MSRA: variants seen among roughly 807,000 people sequenced by gnomAD.
MSRA encodes the protein methionine sulfoxide reductase A.
A neutral mutation model predicts 31.3 loss-of-function variants in MSRA; 54 were observed. The observed-to-expected ratio is 1.73, with a 90% CI of 1.39 to 2.17. The LOEUF (loss-of-function observed/expected upper bound fraction) is 2.17, where lower values mean the gene tolerates loss of function less well. Among genes scored for constraint, MSRA ranks in the 30% most tolerant of loss-of-function variants. The pLI is 0.00. For missense variants in MSRA, 507 were observed against 300.9 expected (o/e 1.69, Z -5.07); for synonymous variants, 169 against 116.5 (o/e 1.45, Z -2.90).
intron 3 of MSRA, among the ~76,000 whole-genome samples, chr8:10,291,378 T>C (rs1313781279): frequency 1.3e-5 from 2 of 151,186 alleles, no homozygotes; most frequent in Admixed American, 6.6e-5. Flanking sequence ...TTAAAGCTTA[T>C]GTTTCTCGTC....
intron 1 of MSRA, among the ~76,000 whole-genome samples, chr8:10,199,270 C>T (rs1174095018): frequency 6.6e-6 from 1 of 152,112 alleles, no homozygotes; most frequent in African/African-American, 2.4e-5. Context: ...GAATAGGGGG[C>T]ATGGTAGGCT....
chr8:10,426,541 T>C (rs7009513), intron 5 of MSRA, among the ~76,000 whole-genome samples: 134,095 of 152,250 alleles, frequency 0.88, 59,971 homozygotes, highest in Non-Finnish European at 0.97. Context: ...AATAGCTTCT[T>C]CTTTTACGTA....
chr8:10,208,417 A>T (rs563706590), intron 2 of MSRA, among the ~76,000 whole-genome samples: 1 of 152,202 alleles, frequency 6.6e-6, no homozygotes, highest in Non-Finnish European at 1.5e-5. Context: ...ATGTACAATT[A>T]TGTGGTTGAG....
At chr8:10,082,663 C>T (rs547204742) in intron 1 of MSRA, among the ~76,000 whole-genome samples, 18 of 152,292 alleles carry the variant, frequency 1.2e-4, no homozygotes, top group South Asian at 4.2e-4. Flanking sequence ...GACTACATGT[C>T]GAACCAAACA....
chr8:10,171,504 G>A (rs1805586510), intron 1 of MSRA, among the ~76,000 whole-genome samples: 1 of 151,942 alleles, frequency 6.6e-6, no homozygotes. Flanking sequence ...CACCTTTGAT[G>A]ATAAGACATC....
At chr8:10,170,347 C>A (rs1805489866) in intron 1 of MSRA, among the ~76,000 whole-genome samples, 1 of 152,124 alleles carries the variant, frequency 6.6e-6, no homozygotes, top group African/African-American at 2.4e-5. Context: ...ATAAGAAAGG[C>A]CCCAGAGAGC....
intron 1 of MSRA, among the ~76,000 whole-genome samples, chr8:10,159,149 G>A (rs939931933): frequency 2.0e-5 from 3 of 152,176 alleles, no homozygotes; most frequent in African/African-American, 7.2e-5. Flanking sequence ...GAAGTGAGTG[G>A]ATTACAGGGG....
chr8:10,287,713 T>G (rs911225961), intron 3 of MSRA, among the ~76,000 whole-genome samples: 35 of 152,184 alleles, frequency 2.3e-4, no homozygotes, highest in African/African-American at 6.3e-4. Context: ...TCTAGCTGAA[T>G]GCTCTCCATT....
intron 3 of MSRA, 77 bp from the exon 4 acceptor site, chr8:10,301,456 GT>G (rs148500622): frequency 1.8e-5 from 20 of 1,127,958 alleles, no homozygotes; most frequent in Non-Finnish European, 2.4e-5. Context: ...TTTGTCTGTT[GT>G]TTTTTTTGTG....
chr8:10,308,564 G>A (rs559345647), intron 4 of MSRA, among the ~76,000 whole-genome samples: 8 of 152,346 alleles, frequency 5.3e-5, no homozygotes, highest in Admixed American at 2.0e-4. Flanking sequence ...CCGGTTGCCC[G>A]ATTTCTTTGG....
chr8:10,171,402 A>G (rs1167748342), intron 1 of MSRA, among the ~76,000 whole-genome samples: 1 of 151,460 alleles, frequency 6.6e-6, no homozygotes, highest in Non-Finnish European at 1.5e-5. Context: ...CTTTAAGGAA[A>G]TGAACAGCTC....
intron 1 of MSRA, among the ~76,000 whole-genome samples, chr8:10,180,935 C>T (rs1806479594): frequency 6.6e-6 from 1 of 152,176 alleles, no homozygotes; most frequent in Admixed American, 6.5e-5. Flanking sequence ...AGTTGACTTC[C>T]TGGACTTTAC....
At chr8:10,146,852 T>C (rs925217452) in intron 1 of MSRA, among the ~76,000 whole-genome samples, 2 of 152,150 alleles carry the variant, frequency 1.3e-5, no homozygotes, top group African/African-American at 4.8e-5. Flanking sequence ...TATCTTAGCC[T>C]GGAAGGGCTT....
Position 10,172,457 on chromosome 8 carries a change from G to A in MSRA, c.143-35376G>A, listed in dbSNP as rs186112290. The stretch of plus-strand genomic sequence containing the variant: ...CAGTGGAAGTAGCAGGGCAGGGGAG[G>A]GGGAGGCAAAGGGGACGCAGGTTTC... On this transcript the variant is annotated intron_variant, in intron 1 of 5. Coordinates refer to ENST00000317173, the MANE Select transcript of MSRA (RefSeq NM_012331.5). 2.2e-4 allele frequency among the ~76,000 whole-genome samples: 34 copies of A among 152,256 alleles called. 1 individual carries two copies. Among genetic ancestry groups the A allele is most frequent in the African/African-American group, 7.2e-4 (30 of 41,564 alleles).
intron 1 of MSRA, among the ~76,000 whole-genome samples, chr8:10,143,608 TA>T (rs1441603737): frequency 6.6e-6 from 1 of 152,190 alleles, no homozygotes; most frequent in Non-Finnish European, 1.5e-5. Context: ...TTTTCCCCGT[TA>T]CCAGAAGCAG....
chr8:10,146,052 A>T (rs1803113171), intron 1 of MSRA, among the ~76,000 whole-genome samples: 1 of 152,208 alleles, frequency 6.6e-6, no homozygotes, highest in African/African-American at 2.4e-5. Context: ...CTACATGCAA[A>T]CAGTGCGCTG....
intron 5 of MSRA, among the ~76,000 whole-genome samples, chr8:10,362,580 A>C (rs904503446): frequency 6.6e-6 from 1 of 150,772 alleles, no homozygotes; most frequent in African/African-American, 2.4e-5. Context: ...TGAGTTTCCT[A>C]GGCCTCCACT....
chr8:10,162,607 C>T (rs150864118), intron 1 of MSRA, among the ~76,000 whole-genome samples: 3 of 152,242 alleles, frequency 2.0e-5, no homozygotes, highest in Non-Finnish European at 4.4e-5. Flanking sequence ...AACTGTGGCA[C>T]AGGGGAAACC....
chr8:10,341,480 C>T (rs1803423457), intron 5 of MSRA, among the ~76,000 whole-genome samples: 1 of 152,192 alleles, frequency 6.6e-6, no homozygotes, highest in South Asian at 2.1e-4. Flanking sequence ...AAACACCTTC[C>T]ACTAGGCCCC....
Sources: gnomAD v4.1 joint callset for allele counts (sites outside exome capture counted in the v4.1 genomes callset) on GRCh38, gnomAD v4.1.1 for gene constraint, MANE v1.5 for transcripts, NCBI Gene and HGNC (gene_info 2026-07-23, HGNC 2026-07-21) for gene names.